The following EPHA10 variants were observed in gnomAD, a reference collection of about 807,000 sequenced individuals.
EPHA10 encodes ephrin type-A receptor 10.
In EPHA10, 120 loss-of-function variants were observed where a neutral mutation model predicts 109.7. That is an observed-to-expected ratio of 1.09 (90% CI 0.94 to 1.27). EPHA10 has a LOEUF of 1.27. Ranked by LOEUF, EPHA10 falls within the 50% of genes most tolerant of loss-of-function variation. The probability of loss-of-function intolerance (pLI) is 0.00; values close to 1 mark genes in which losing one functional copy is unlikely to be tolerated. For synonymous variants in EPHA10, 640 were observed against 618.9 expected, an observed-to-expected ratio of 1.03 and a Z score of -0.51; for missense variants, 1,396 against 1,411.1, an observed-to-expected ratio of 0.99 and a Z score of 0.17.
chr1:37,734,471 T>C, intron 6 of EPHA10: 1 of 351,676 alleles, frequency 2.8e-6, no homozygotes, highest in South Asian at 2.4e-5. Context: ...GAGACGGAGG[T>C]TGCAGTGAGC....
Position 37,716,131 on chromosome 1 carries a change from C to T in EPHA10, c.*2241G>A. 1 of 434,900 alleles carries T rather than the reference C, an allele frequency of 2.3e-6. No individual in the cohort carries two copies. Among genetic ancestry groups the T allele is most frequent in the African/African-American group, 2.0e-5 (1 of 50,498 alleles). The allele number at this position is 434,900 out of a possible 1,614,324, so 26.9% of individuals were successfully genotyped here. A position where few individuals can be genotyped will look rare whatever the true frequency, so the allele number is the denominator to read the frequency against. On this transcript the variant is annotated 3_prime_UTR_variant, in exon 17 of 17. Transcript: ENST00000373048. ...CCACCTCTGTCCAGTGAACAAGTTC[C>T]ATATAAAAATAGATCTGTAGAGGGT...
chr1:37,726,634 T>C lies in EPHA10; in HGVS notation c.1772+468A>G, dbSNP rs146498354. On this transcript the variant is annotated intron_variant, in intron 8 of 16. Transcript: ENST00000373048. ...GCTCACCCTCCTGCAAGCTTCTTTC[T>C]GCTGGGGGTGGGAGGTTTCTGCTTT... Among the ~76,000 whole-genome samples, 855 of 152,328 alleles carry C rather than the reference T, an allele frequency of 5.6e-3. 3 individuals carry two copies. The highest frequency in any genetic ancestry group is 0.016 in the South Asian group (75 of 4,828).
At position 37,761,956 on chromosome 1, in the gene EPHA10, C is replaced by T. The variant is rs773214665; in HGVS notation, c.299G>A (p.Arg100His). The T allele has an allele frequency of 6.8e-6, 11 of 1,613,994 alleles. No individual in the cohort carries two copies. Among genetic ancestry groups the T allele is most frequent in the Middle Eastern group, 1.6e-4 (1 of 6,084 alleles). ...TGTGAACTGCAGTTCCACGAAGATG[C>T]GCTGCCCGCGGCCACGGCTTATCCA... ...TGWISRGRGQRIFVELQFTLR... is the reference protein window; with the variant it reads ...TGWISRGRGQHIFVELQFTLR... The change falls in exon 3 of 17, where the codon CGC (arginine) becomes CAC (histidine). Residue 100 changes from arginine to histidine, a missense_variant. By Grantham distance (29) the Arg-to-His change is conservative. Coordinates refer to ENST00000373048, the MANE Select transcript of EPHA10 (RefSeq NM_001099439.2).
intron 6 of EPHA10, 141 bp downstream of exon 6, chr1:37,735,116 G>A: frequency 9.1e-7 from 1 of 1,104,758 alleles, no homozygotes; most frequent in South Asian, 1.5e-5. Context: ...GGAGACTCGA[G>A]CCTGGGGCCC....
intron 11 of EPHA10, among the ~76,000 whole-genome samples, chr1:37,721,346 T>C (rs752947819): frequency 1.3e-4 from 20 of 148,560 alleles, no homozygotes; most frequent in Non-Finnish European, 2.5e-4. Context: ...GAGAATGGCA[T>C]GATCCCAGGA....
chr1:37,729,643 G>A (rs140019178), intron 7 of EPHA10, among the ~76,000 whole-genome samples: 58 of 152,130 alleles, frequency 3.8e-4, no homozygotes, highest in Admixed American at 7.9e-4. Flanking sequence ...CACTTTGGCA[G>A]GCCGAGTGGA....
intron 5 of EPHA10, among the ~76,000 whole-genome samples, chr1:37,751,462 G>A (rs777969276): frequency 1.7e-4 from 25 of 150,796 alleles, no homozygotes; most frequent in African/African-American, 5.1e-4. Context: ...CCAGCTACTC[G>A]GGAGGCTGAG....
At position 37,716,767 on chromosome 1, in the gene EPHA10, C is replaced by G; in HGVS notation, c.*1605G>C. ...TGCCTGCCGAAAACTCCACCCACCC[C>G]AAGGAAAGAACCTTCCCTTTCCCAC... On this transcript the variant is annotated 3_prime_UTR_variant, in exon 17 of 17. Coordinates refer to ENST00000373048, the MANE Select transcript of EPHA10 (RefSeq NM_001099439.2). 4.3e-6 allele frequency: 1 copy of G among 233,106 alleles called. No homozygotes were observed. The allele number at this position is 233,106 out of a possible 1,614,324, so 14.4% of individuals were successfully genotyped here.
At chr1:37,729,478 T>C (rs1326850391) in intron 7 of EPHA10, among the ~76,000 whole-genome samples, 2 of 152,016 alleles carry the variant, frequency 1.3e-5, no homozygotes, top group Non-Finnish European at 2.9e-5. Context: ...TCCTAACACT[T>C]TGGGAGGCCA....
chr1:37,746,678 A>C (rs888590304), intron 5 of EPHA10, among the ~76,000 whole-genome samples: 1 of 152,234 alleles, frequency 6.6e-6, no homozygotes, highest in Non-Finnish European at 1.5e-5. Flanking sequence ...TATTCATAAT[A>C]GTATTATTCA....
intron 5 of EPHA10, among the ~76,000 whole-genome samples, chr1:37,745,887 C>G (rs1646233013): frequency 6.6e-6 from 1 of 152,012 alleles, no homozygotes; most frequent in Non-Finnish European, 1.5e-5. Context: ...GCTTTCCTAA[C>G]AAAAGCCACC....
In EPHA10 at chr1:37,735,391, C is replaced by T; in HGVS notation, c.1358-1G>A. On this transcript the variant is annotated splice_acceptor_variant, in intron 5 of 16. Transcript: ENST00000373048. LOFTEE classifies it high-confidence loss of function. ...CGGATCTCATCCTCCTCCCAGGGCG[C>T]TGAAAGTAAGTTACGTGGGATTCTC... is the stretch of plus-strand genomic sequence containing the variant. The T allele has an allele frequency of 6.3e-7, 1 of 1,580,870 alleles. No homozygotes were observed. The highest frequency in any genetic ancestry group is 8.6e-7 in the Non-Finnish European group (1 of 1,163,450).
In EPHA10 at chr1:37,761,906, C is replaced by CA; in HGVS notation, c.348dup (p.Gly117TrpfsTer18). 6.2e-7 allele frequency: 1 copy of CA among 1,612,326 alleles called. No individual in the cohort carries two copies. Among genetic ancestry groups the CA allele is most frequent in the Non-Finnish European group, 8.5e-7 (1 of 1,178,724 alleles). On this transcript the variant is annotated frameshift_variant, in exon 3 of 17. Coordinates refer to ENST00000373048, the MANE Select transcript of EPHA10 (RefSeq NM_001099439.2). LOFTEE classifies it high-confidence loss of function. ...GTCTCCTTGCAGGTACCCGCGGCGC[C>CA]AGGGATGCTGCTGCAGTCACGGAGT...
chr1:37,744,570 G>A (rs903849787), intron 5 of EPHA10, among the ~76,000 whole-genome samples: 12 of 151,868 alleles, frequency 7.9e-5, no homozygotes, highest in Non-Finnish European at 1.3e-4. Context: ...TGAGGCAGGA[G>A]AATCGCTTGA....
Position 37,754,823 on chromosome 1 carries a change from A to G in EPHA10, c.851-453T>C, listed in dbSNP as rs1646380083. Among the ~76,000 whole-genome samples, 1 of 150,810 alleles carries G rather than the reference A, an allele frequency of 6.6e-6. No individual in the cohort carries two copies. Among genetic ancestry groups the G allele is most frequent in the Non-Finnish European group, 1.5e-5 (1 of 67,682 alleles). ...ATTTATTTTTTCTTTTTTCTTTTCG[A>G]GTCTCCTTCTATCACCCAGGCTGGA... is the stretch of plus-strand genomic sequence containing the variant. On this transcript the variant is annotated intron_variant, in intron 3 of 16. Transcript: ENST00000373048. The surrounding 1 kb of genome is among the most constrained non-coding windows in gnomAD (Gnocchi z 4.5).
intron 3 of EPHA10, among the ~76,000 whole-genome samples, chr1:37,759,851 G>A (rs1466786219): frequency 6.6e-6 from 1 of 152,016 alleles, no homozygotes; most frequent in Non-Finnish European, 1.5e-5. Context: ...AAGTAGATCA[G>A]TGCATACCAT....
intron 15 of EPHA10, 99 bp downstream of exon 15, chr1:37,719,315 G>A: frequency 7.3e-7 from 1 of 1,376,804 alleles, no homozygotes; most frequent in Non-Finnish European, 1.0e-6. Flanking sequence ...ATTGCTCTTG[G>A]ACAGGTGGGG....
chr1:37,759,744 A>G (rs1170107611), intron 3 of EPHA10, among the ~76,000 whole-genome samples: 10 of 151,980 alleles, frequency 6.6e-5, no homozygotes. Flanking sequence ...GATCATACCT[A>G]TGAATAGCTG....
chr1:37,752,925 G>A lies in EPHA10; in HGVS notation c.1308C>T (p.Ala436=). 7.6e-7 allele frequency: 1 copy of A among 1,310,634 alleles called. No individual in the cohort carries two copies. The allele number at this position is 1,310,634 out of a possible 1,614,324, so 81.2% of individuals were successfully genotyped here. A position where few individuals can be genotyped will look rare whatever the true frequency, so the allele number is the denominator to read the frequency against. The change falls in exon 5 of 17, where the codon GCC becomes GCT. Residue 436 remains alanine (A), a synonymous_variant. Coordinates refer to ENST00000373048, the MANE Select transcript of EPHA10 (RefSeq NM_001099439.2). ...CCTGCGCGTAGGTGGTTCCCGCGGC[G>A]GCCGCCGGGCCCGAGACGCCGTTGA... ...AALNGVSGPA[A]AAGTTYAQVT...
Sources: gnomAD v4.1 joint callset for allele counts (sites outside exome capture counted in the v4.1 genomes callset) on GRCh38, gnomAD v4.1.1 for gene constraint, Gnocchi (gnomAD v3.1) non-coding constraint, MANE v1.5 for transcripts, NCBI Gene and HGNC (gene_info 2026-07-23, HGNC 2026-07-21) for gene names.